The following NBEA variants were observed in gnomAD, a reference collection of about 807,000 sequenced individuals.
NBEA encodes neurobeachin.
Under a neutral mutation model 343.4 loss-of-function variants are expected in NBEA, and 44 were observed. The observed-to-expected ratio is 0.13, with a 90% CI of 0.10 to 0.16. NBEA has a LOEUF of 0.16. Ranked by LOEUF, NBEA falls within the 10% of genes least tolerant of loss-of-function variation. The probability of loss-of-function intolerance (pLI) is 1.00; values close to 1 mark genes in which losing one functional copy is unlikely to be tolerated. For synonymous variants in NBEA, 1,175 were observed against 1,238.7 expected (o/e 0.95, Z 1.08); for missense variants, 2,555 against 3,631.3 (o/e 0.70, Z 7.62).
intron 39 of NBEA, among the ~76,000 whole-genome samples, chr13:35,439,733 AAAAT>A (rs1432019333): frequency 2.0e-5 from 3 of 152,232 alleles, no homozygotes; most frequent in Non-Finnish European, 4.4e-5. Context: ...AGTATAATAA[AAAAT>A]AAATAAATAA....
At chr13:35,464,817 T>TTA (rs1420491092) in intron 40 of NBEA, among the ~76,000 whole-genome samples, 1 of 152,216 alleles carries the variant, frequency 6.6e-6, no homozygotes, top group African/African-American at 2.4e-5. Flanking sequence ...TACCTTATAC[T>TTA]ATAAGCTCTT....
At chr13:35,323,681 T>A (rs762974615) in intron 36 of NBEA, among the ~76,000 whole-genome samples, 182 of 151,908 alleles carry the variant, frequency 1.2e-3, no homozygotes, top group Non-Finnish European at 2.3e-3. Context: ...AACCTGCACA[T>A]TGTGCACATG....
intron 34 of NBEA, among the ~76,000 whole-genome samples, chr13:35,283,962 A>G (rs2035235246): frequency 6.8e-6 from 1 of 147,144 alleles, no homozygotes; most frequent in African/African-American, 2.5e-5. Context: ...TCTTACAGAT[A>G]TGTACTCATG....
chr13:35,316,875 T>C (rs2037772880), intron 36 of NBEA, among the ~76,000 whole-genome samples: 2 of 152,254 alleles, frequency 1.3e-5, no homozygotes, highest in Admixed American at 1.3e-4. Flanking sequence ...ATGAGTTTTT[T>C]TTCATATACT....
At chr13:35,574,211 A>T (rs1055330871) in intron 45 of NBEA, among the ~76,000 whole-genome samples, 1 of 151,436 alleles carries the variant, frequency 6.6e-6, no homozygotes, top group African/African-American at 2.4e-5. Flanking sequence ...CAACGCTATG[A>T]TGAGTTGCAC....
At chr13:35,538,841 C>T (rs2078678349) in intron 41 of NBEA, among the ~76,000 whole-genome samples, 1 of 152,180 alleles carries the variant, frequency 6.6e-6, no homozygotes. Flanking sequence ...TCAAGGTGTA[C>T]TTTTAATATT....
At position 35,124,659 on chromosome 13, in the gene NBEA, CAT is replaced by C. The variant is rs577795807; in HGVS notation, c.2336+1090_2336+1091del. Among the ~76,000 whole-genome samples the C allele has an allele frequency of 4.7e-3, 701 of 149,934 alleles. 2 individuals are homozygous for C. Among genetic ancestry groups the C allele is most frequent in the African/African-American group, 9.5e-3 (386 of 40,702 alleles). ...ACACACATATATGGATATACACACA[CAT>C]ATATGTGGATATATATACACATGTA... On this transcript the variant is annotated intron_variant, in intron 17 of 58. Transcript: ENST00000379939.
intron 21 of NBEA, 78 bp from the exon 22 acceptor site, chr13:35,158,938 C>T: frequency 8.0e-7 from 1 of 1,255,148 alleles, no homozygotes; most frequent in Non-Finnish European, 1.1e-6. Context: ...TCTATTTCCA[C>T]AATTTAATTT....
intron 1 of NBEA, among the ~76,000 whole-genome samples, chr13:34,956,884 C>T (rs1489670781): frequency 3.9e-5 from 6 of 152,130 alleles, no homozygotes; most frequent in East Asian, 1.9e-4. Context: ...CTCCCAACCT[C>T]GGGTGATCCG....
intron 35 of NBEA, among the ~76,000 whole-genome samples, chr13:35,303,451 A>G (rs2036685461): frequency 6.6e-6 from 1 of 152,204 alleles, no homozygotes. Context: ...AAAACCACAT[A>G]TATCTTAAAT....
chr13:35,128,133 C>A (rs571117576), intron 17 of NBEA, among the ~76,000 whole-genome samples: 15 of 150,074 alleles, frequency 1.0e-4, no homozygotes, highest in Non-Finnish European at 2.1e-4. Context: ...ACACCTAATG[C>A]GAGATGATGA....
chr13:35,285,347 A>G (rs144862357), intron 34 of NBEA, among the ~76,000 whole-genome samples: 8 of 152,284 alleles, frequency 5.3e-5, no homozygotes, highest in African/African-American at 1.7e-4. Context: ...AAAAGATTAA[A>G]AATCATTAGA....
At chr13:35,145,349 TC>T (rs1204086390) in intron 18 of NBEA, among the ~76,000 whole-genome samples, 3 of 152,188 alleles carry the variant, frequency 2.0e-5, no homozygotes, top group African/African-American at 4.8e-5. Flanking sequence ...TGGTGTAGTT[TC>T]TTGGGCTTAG....
In NBEA at chr13:35,550,992, C is replaced by T; in HGVS notation, c.6766C>T (p.Arg2256Trp). The T allele has an allele frequency of 2.5e-6, 4 of 1,610,598 alleles. No individual in the cohort carries two copies. The highest frequency in any genetic ancestry group is 3.4e-6 in the Non-Finnish European group (4 of 1,177,364). ...TVKKVVYSLP[R>W]VGVGTSYGLP... ...AAAAAAAGTTGTCTATAGCTTGCCTCGGGTTGGAGTAGGGACCAGCTATGG... is the reference window on the plus strand; with the variant it reads ...AAAAAAAGTTGTCTATAGCTTGCCTTGGGTTGGAGTAGGGACCAGCTATGG... Residue 2256 changes from arginine (R) to tryptophan (W), a missense_variant, in exon 43 of 59, where the codon CGG becomes TGG. By Grantham distance (101) the Arg-to-Trp change is moderately radical (BLOSUM62 -3). Around this residue, in one of 21 missense-constraint regions of NBEA, gnomAD observed 38 missense variants for 97.2 expected, o/e 0.39. Transcript: ENST00000379939.
At position 35,170,095 on chromosome 13, in the gene NBEA, C is replaced by T. The variant is rs537154538; in HGVS notation, c.4242+1100C>T. Reference sequence around the variant, plus strand: ...GTTATATAATGCTTGTAGTAGCCACCTATCCTTTTTATTACCCACTTTGTG... The same window carrying T: ...GTTATATAATGCTTGTAGTAGCCACTTATCCTTTTTATTACCCACTTTGTG... On this transcript the variant is annotated intron_variant, in intron 25 of 58. Transcript: ENST00000379939. 3.3e-5 allele frequency among the ~76,000 whole-genome samples: 5 copies of T among 151,808 alleles called. No homozygotes were observed. The South Asian group carries it at 1.0e-3, about 31-fold the overall frequency.
At chr13:35,071,448 G>C (rs1233449408) in intron 10 of NBEA, among the ~76,000 whole-genome samples, 4 of 151,452 alleles carry the variant, frequency 2.6e-5, no homozygotes, top group African/African-American at 9.7e-5. Context: ...CATTTTTATA[G>C]TTTCTCTTTT....
intron 35 of NBEA, among the ~76,000 whole-genome samples, chr13:35,301,558 T>C (rs1018908830): frequency 2.6e-5 from 4 of 152,202 alleles, no homozygotes; most frequent in Non-Finnish European, 5.9e-5. Flanking sequence ...GTGGTGTATA[T>C]GTGCCACATT....
intron 22 of NBEA, among the ~76,000 whole-genome samples, chr13:35,160,429 G>C (rs142999576): frequency 9.2e-5 from 14 of 152,120 alleles, no homozygotes; most frequent in African/African-American, 3.4e-4. Context: ...TAAGCTTCAG[G>C]CCCAACCCTG....
At chr13:35,587,220 C>T (rs2081329357) in intron 46 of NBEA, among the ~76,000 whole-genome samples, 1 of 152,068 alleles carries the variant, frequency 6.6e-6, no homozygotes, top group Non-Finnish European at 1.5e-5. Flanking sequence ...CTGTTTGCTG[C>T]CTAGGGTCCA....
Sources: gnomAD v4.1 joint callset for allele counts (sites outside exome capture counted in the v4.1 genomes callset) on GRCh38, gnomAD v4.1.1 for gene constraint, gnomAD v4.1.1 regional missense constraint, MANE v1.5 for transcripts, NCBI Gene and HGNC (gene_info 2026-07-23, HGNC 2026-07-21) for gene names.